The following NAALADL2 variants were observed in gnomAD, a reference collection of about 807,000 sequenced individuals.
The protein encoded by NAALADL2 is inactive N-acetylated-alpha-linked acidic dipeptidase-like protein 2.
Under a neutral mutation model 87.2 loss-of-function variants are expected in NAALADL2, and 76 were observed. The observed-to-expected ratio is 0.87, with a 90% CI of 0.72 to 1.05. The LOEUF is 1.05. Ranked by LOEUF, NAALADL2 falls within the 50% of genes least tolerant of loss-of-function variation. The pLI, the probability that NAALADL2 is intolerant of heterozygous loss-of-function variation, is 0.00. For synonymous variants in NAALADL2, 354 were observed against 331.0 expected, an observed-to-expected ratio of 1.07 and a Z score of -0.75; for missense variants, 1,089 against 945.8, an observed-to-expected ratio of 1.15 and a Z score of -1.99.
chr3:175,228,181 T>C (rs933393796), intron 2 of NAALADL2, among the ~76,000 whole-genome samples: 1 of 151,958 alleles, frequency 6.6e-6, no homozygotes, highest in African/African-American at 2.4e-5. Context: ...GAGATTTGAA[T>C]AATCTAATCT....
chr3:175,475,083 A>C (rs1193763740), intron 9 of NAALADL2, among the ~76,000 whole-genome samples: 1 of 151,586 alleles, frequency 6.6e-6, no homozygotes, highest in Non-Finnish European at 1.5e-5. Context: ...TATATATTAT[A>C]TATTTATTTC....
At position 175,499,279 on chromosome 3, in the gene NAALADL2, T is replaced by C. The variant is rs535596584; in HGVS notation, c.1653+27521T>C. Among the ~76,000 whole-genome samples, 18 of 152,242 alleles carry C rather than the reference T, an allele frequency of 1.2e-4. No individual in the cohort carries two copies. In the East Asian group the frequency reaches 3.5e-3, roughly 29 times the overall value. ...GTTTTTCGAATGATTAACATGCTAC[T>C]AATAAAACTAATAAATTTGCATATA... On this transcript the variant is annotated intron_variant, in intron 9 of 13. Coordinates refer to ENST00000454872, the MANE Select transcript of NAALADL2 (RefSeq NM_207015.3).
chr3:174,833,009 A>G (rs904036622), intron 3 of NAALADL2, among the ~76,000 whole-genome samples: 26 of 152,158 alleles, frequency 1.7e-4, no homozygotes, highest in Non-Finnish European at 3.7e-4. Context: ...CTACATCTGT[A>G]TTACTTCTGT....
At chr3:174,489,908 A>G (rs1718077840) in intron 1 of NAALADL2, among the ~76,000 whole-genome samples, 1 of 152,102 alleles carries the variant, frequency 6.6e-6, no homozygotes, top group Non-Finnish European at 1.5e-5. Flanking sequence ...ATCAGCAAGT[A>G]TTGGTGAAGT....
chr3:175,267,236 T>A (rs1389359229), intron 4 of NAALADL2, among the ~76,000 whole-genome samples: 3 of 152,070 alleles, frequency 2.0e-5, no homozygotes, highest in Non-Finnish European at 2.9e-5. Context: ...GAAAATCTTA[T>A]TATGAATCAC....
At chr3:174,668,917 TC>T (rs1560131442) in intron 2 of NAALADL2, among the ~76,000 whole-genome samples, 1 of 152,208 alleles carries the variant, frequency 6.6e-6, no homozygotes, top group East Asian at 1.9e-4. Context: ...TGATTTATAT[TC>T]CTTTGGGTAT....
At chr3:174,872,003 G>A (rs1297409983) in intron 1 of NAALADL2, among the ~76,000 whole-genome samples, 1 of 152,136 alleles carries the variant, frequency 6.6e-6, no homozygotes, top group Non-Finnish European at 1.5e-5. Flanking sequence ...AAATATGGGA[G>A]CCGAAGCAGG....
chr3:175,408,472 T>C (rs1712856506), intron 5 of NAALADL2, among the ~76,000 whole-genome samples: 1 of 152,138 alleles, frequency 6.6e-6, no homozygotes, highest in African/African-American at 2.4e-5. Flanking sequence ...TAATATCTCA[T>C]AACCAGGATA....
At chr3:175,058,838 G>A (rs940144085) in intron 1 of NAALADL2, among the ~76,000 whole-genome samples, 6 of 152,188 alleles carry the variant, frequency 3.9e-5, no homozygotes, top group African/African-American at 1.4e-4. Flanking sequence ...GACCTGTGCT[G>A]TTTTCTTCGG....
intron 1 of NAALADL2, among the ~76,000 whole-genome samples, chr3:174,920,771 T>C (rs1425382968): frequency 6.6e-6 from 1 of 152,176 alleles, no homozygotes; most frequent in Non-Finnish European, 1.5e-5. Flanking sequence ...CCTCACTAAG[T>C]TTAATCATCT....
chr3:175,408,341 C>T (rs1192932609), intron 5 of NAALADL2, among the ~76,000 whole-genome samples: 1 of 152,002 alleles, frequency 6.6e-6, no homozygotes, highest in Non-Finnish European at 1.5e-5. Context: ...TGATTTAATT[C>T]TTCTACAATG....
chr3:174,654,060 T>TTGTATG (rs1724648818), intron 2 of NAALADL2, among the ~76,000 whole-genome samples: 2 of 143,962 alleles, frequency 1.4e-5, no homozygotes, highest in African/African-American at 5.1e-5. Flanking sequence ...TAAGATGGCT[T>TTGTATG]TGTGTGTGTG....
intron 13 of NAALADL2, among the ~76,000 whole-genome samples, chr3:175,781,817 C>T (rs1274393691): frequency 1.3e-5 from 2 of 151,872 alleles, no homozygotes; most frequent in Non-Finnish European, 2.9e-5. Context: ...CCCACTAACT[C>T]GTCATCTAGC....
upstream of NAALADL2, among the ~76,000 whole-genome samples, chr3:174,858,760 C>T (rs1726131748): frequency 6.6e-6 from 1 of 151,814 alleles, no homozygotes; most frequent in Non-Finnish European, 1.5e-5. Flanking sequence ...CACAGCCATA[C>T]ATTAGTGTTT....
At chr3:174,546,182 G>A (rs1722709916) in intron 1 of NAALADL2, among the ~76,000 whole-genome samples, 2 of 152,128 alleles carry the variant, frequency 1.3e-5, no homozygotes, top group Non-Finnish European at 2.9e-5. Context: ...GTTATCTGGT[G>A]ATATTTTCTC....
chr3:175,149,843 T>C (rs1731284237), intron 2 of NAALADL2, among the ~76,000 whole-genome samples: 1 of 152,164 alleles, frequency 6.6e-6, no homozygotes, highest in African/African-American at 2.4e-5. Context: ...TCTTGGACTC[T>C]AGAAAGCCAC....
intron 11 of NAALADL2, among the ~76,000 whole-genome samples, chr3:175,703,781 G>A (rs146887325): frequency 6.6e-6 from 1 of 152,044 alleles, no homozygotes; most frequent in Non-Finnish European, 1.5e-5. Context: ...CTTAACCTAA[G>A]TTGTTAACTG....
At chr3:174,928,302 C>T (rs535731629) in intron 1 of NAALADL2, among the ~76,000 whole-genome samples, 8 of 152,186 alleles carry the variant, frequency 5.3e-5, no homozygotes, top group East Asian at 1.9e-4. Flanking sequence ...GAATGCAATG[C>T]GATCTCGGCT....
At chr3:175,194,927 A>T (rs535745489) in intron 2 of NAALADL2, among the ~76,000 whole-genome samples, 1 of 151,854 alleles carries the variant, frequency 6.6e-6, no homozygotes, top group African/African-American at 2.4e-5. Flanking sequence ...GAGTCATGCC[A>T]TTTTGTAAGA....
Sources: allele counts gnomAD v4.1 joint callset (sites outside exome capture counted in the v4.1 genomes callset), GRCh38; gene constraint gnomAD v4.1.1; transcripts MANE v1.5; gene names NCBI Gene and HGNC (gene_info 2026-07-23, HGNC 2026-07-21).